CNGB3: variants seen among roughly 807,000 people sequenced by gnomAD.
CNGB3 encodes cyclic nucleotide-gated channel beta-3.
Under a neutral mutation model 92.8 loss-of-function variants are expected in CNGB3, and 86 were observed. The ratio of observed to expected loss-of-function variants is 0.93; its 90% CI spans 0.78 to 1.11. The LOEUF is 1.11. Ranked by LOEUF, CNGB3 falls within the 50% of genes least tolerant of loss-of-function variation. The pLI is 0.00. For synonymous variants in CNGB3, 333 were observed against 332.7 expected (o/e 1.00, Z -0.01); for missense variants, 1,026 against 956.8 (o/e 1.07, Z -0.95).
intron 3 of CNGB3, among the ~76,000 whole-genome samples, chr8:86,709,805 C>A (rs1168424096): frequency 6.6e-6 from 1 of 151,972 alleles, no homozygotes; most frequent in Non-Finnish European, 1.5e-5. Flanking sequence ...ATATTTAAAA[C>A]AAGAACAATA....
At chr8:86,734,714 A>T (rs951023267) in intron 2 of CNGB3, among the ~76,000 whole-genome samples, 4 of 152,152 alleles carry the variant, frequency 2.6e-5, no homozygotes, top group African/African-American at 9.7e-5. Flanking sequence ...ACAAGGTGTA[A>T]CACCTGGCAG....
intron 2 of CNGB3, among the ~76,000 whole-genome samples, chr8:86,730,480 A>T (rs1382254556): frequency 1.3e-5 from 2 of 152,208 alleles, no homozygotes; most frequent in Non-Finnish European, 1.5e-5. Flanking sequence ...GACATCAAAG[A>T]CATGTGGGTT....
intron 15 of CNGB3, among the ~76,000 whole-genome samples, chr8:86,597,466 C>T (rs1822197264): frequency 6.6e-6 from 1 of 152,170 alleles, no homozygotes; most frequent in South Asian, 2.1e-4. Flanking sequence ...AAGATAAGTG[C>T]TCCAAAAGAA....
chr8:86,681,214 A>T (rs573550999), intron 3 of CNGB3, among the ~76,000 whole-genome samples: 6 of 152,358 alleles, frequency 3.9e-5, no homozygotes, highest in Non-Finnish European at 7.3e-5. Flanking sequence ...AGGAAAGTAT[A>T]TCTATTATAT....
chr8:86,696,770 C>A (rs1032160655), intron 3 of CNGB3, among the ~76,000 whole-genome samples: 1 of 152,098 alleles, frequency 6.6e-6, no homozygotes, highest in African/African-American at 2.4e-5. Context: ...AATGGCATGG[C>A]ATATCTTTTT....
chr8:86,610,935 T>C (rs1441655203), intron 14 of CNGB3, among the ~76,000 whole-genome samples: 1 of 152,214 alleles, frequency 6.6e-6, no homozygotes, highest in Non-Finnish European at 1.5e-5. Context: ...ACTTAATACA[T>C]AGTGTTCATA....
At chr8:86,661,263 G>T in intron 6 of CNGB3, 1 of 338,130 alleles carries the variant, frequency 3.0e-6, no homozygotes, top group Non-Finnish European at 6.1e-6. Context: ...AAGACTATCA[G>T]GGTCGACCTT....
intron 3 of CNGB3, among the ~76,000 whole-genome samples, chr8:86,695,802 AGGGC>A (rs565611900): frequency 6.6e-6 from 1 of 152,272 alleles, no homozygotes; most frequent in South Asian, 2.1e-4. Flanking sequence ...TTTGGACTCA[AGGGC>A]TGCTGTTCAG....
intron 3 of CNGB3, among the ~76,000 whole-genome samples, chr8:86,690,438 T>A (rs564584973): frequency 2.0e-4 from 30 of 152,302 alleles, no homozygotes; most frequent in African/African-American, 6.5e-4. Context: ...GTTTAAGTTC[T>A]TTGTAGATTC....
At chr8:86,640,084 T>C (rs1823152003) in intron 10 of CNGB3, among the ~76,000 whole-genome samples, 1 of 152,042 alleles carries the variant, frequency 6.6e-6, no homozygotes, top group South Asian at 2.1e-4. Context: ...GTTATTTGGG[T>C]TATCAAATCT....
At chr8:86,629,190 T>C (rs1050774034) in intron 11 of CNGB3, 112 bp from the exon 12 acceptor site, 54 of 1,211,320 alleles carry the variant, frequency 4.5e-5, no homozygotes, top group African/African-American at 6.0e-5. Flanking sequence ...GATTACTTGA[T>C]TTTATTCATT....
At chr8:86,733,702 CT>C (rs1480519400) in intron 2 of CNGB3, among the ~76,000 whole-genome samples, 4 of 152,144 alleles carry the variant, frequency 2.6e-5, no homozygotes, top group African/African-American at 4.8e-5. Flanking sequence ...AAAGTCTTTA[CT>C]GCTTTTTGTA....
chr8:86,648,565 T>A (rs1302720534), intron 7 of CNGB3, among the ~76,000 whole-genome samples: 2 of 151,258 alleles, frequency 1.3e-5, no homozygotes, highest in African/African-American at 4.8e-5. Context: ...ATTAAAATTA[T>A]TTTGGCCTTC....
intron 13 of CNGB3, among the ~76,000 whole-genome samples, chr8:86,615,474 G>T (rs573169276): frequency 1.3e-5 from 2 of 151,898 alleles, no homozygotes; most frequent in Non-Finnish European, 2.9e-5. Flanking sequence ...ATGGTGACAC[G>T]TGACTGTAAT....
At chr8:86,610,939 G>A (rs1822505510) in intron 14 of CNGB3, among the ~76,000 whole-genome samples, 2 of 152,096 alleles carry the variant, frequency 1.3e-5, no homozygotes, top group South Asian at 4.1e-4. Context: ...AATACATAGT[G>A]TTCATATGAT....
intron 6 of CNGB3, chr8:86,657,819 T>C (rs1307987121): frequency 2.0e-6 from 1 of 507,934 alleles, no homozygotes; most frequent in Non-Finnish European, 4.0e-6. Flanking sequence ...TTCCTTCTGG[T>C]GCCACGTCTT....
At position 86,709,774 on chromosome 8, in the gene CNGB3, C is replaced by T. The variant is rs554569547; in HGVS notation, c.338+16757G>A. Among the ~76,000 whole-genome samples the T allele has an allele frequency of 2.4e-3, 359 of 151,974 alleles. 1 individual carries two copies. The highest frequency in any genetic ancestry group is 8.3e-3 in the African/African-American group (342 of 41,446). ...GACATTTTATGGCTAATGAAAACAG[C>T]CATATTTGAAAAAAATTCCTATATT... is the stretch of plus-strand genomic sequence containing the variant. On this transcript the variant is annotated intron_variant, in intron 3 of 17. Coordinates refer to ENST00000320005, the MANE Select transcript of CNGB3 (RefSeq NM_019098.5).
intron 5 of CNGB3, 107 bp downstream of exon 5, chr8:86,667,912 T>G: frequency 1.6e-6 from 2 of 1,212,306 alleles, no homozygotes; most frequent in Non-Finnish European, 2.4e-6. Flanking sequence ...CCTAGTTAGA[T>G]TGAGAATATG....
At chr8:86,593,560 T>C (rs1427396524) in intron 15 of CNGB3, among the ~76,000 whole-genome samples, 1 of 152,230 alleles carries the variant, frequency 6.6e-6, no homozygotes, top group African/African-American at 2.4e-5. Context: ...TGTTTTGTTT[T>C]CTCTCTCCTT....
Sources: gnomAD v4.1 joint callset for allele counts (sites outside exome capture counted in the v4.1 genomes callset) on GRCh38, gnomAD v4.1.1 for gene constraint, MANE v1.5 for transcripts, NCBI Gene and HGNC (gene_info 2026-07-23, HGNC 2026-07-21) for gene names.